ARHGAP6: variants seen among roughly 807,000 people sequenced by gnomAD.
ARHGAP6 encodes rho GTPase-activating protein 6.
Under a neutral mutation model 55.7 loss-of-function variants are expected in ARHGAP6, and 16 were observed. That is an observed-to-expected ratio of 0.29 (90% CI 0.19 to 0.44). The LOEUF is 0.44. Ranked by LOEUF, ARHGAP6 falls within the 20% of genes least tolerant of loss-of-function variation. ARHGAP6 has a pLI of 1.00. For synonymous variants in ARHGAP6, 382 were observed against 360.9 expected (o/e 1.06, Z -0.66); for missense variants, 698 against 808.9 (o/e 0.86, Z 1.66).
intron 1 of ARHGAP6, among the ~76,000 whole-genome samples, chrX:11,525,621 A>T (rs2050981596): frequency 8.9e-6 from 1 of 112,049 alleles, no homozygotes; most frequent in African/African-American, 3.2e-5. Context: ...GTTCTGCTTT[A>T]TCATTGCACA....
rs746856568 is a variant in ARHGAP6 at position 11,326,285 on chromosome X, C to T, written c.589-71578G>A. ...CTGGGATTACAGGCATGCACCACCA[C>T]GCCCAGCTAATTTTGTAGTTTTAGT... is the stretch of plus-strand genomic sequence containing the variant. On this transcript the variant is annotated intron_variant, in intron 1 of 12. Transcript: ENST00000337414. Among the ~76,000 whole-genome samples, 7 of 110,390 alleles carry T rather than the reference C, an allele frequency of 6.3e-5. No homozygotes were observed. The East Asian group carries it at 1.4e-3, about 22-fold the overall frequency.
chrX:11,498,439 AAGG>A (rs1276916521), intron 1 of ARHGAP6, among the ~76,000 whole-genome samples: 1 of 112,145 alleles, frequency 8.9e-6, no homozygotes, highest in Non-Finnish European at 1.9e-5. Flanking sequence ...ATGACTAAAG[AAGG>A]AGGAGTATCT....
chrX:11,644,573 A>G (rs2052508172), intron 1 of ARHGAP6, among the ~76,000 whole-genome samples: 1 of 111,019 alleles, frequency 9.0e-6, no homozygotes, highest in Non-Finnish European at 1.9e-5. Flanking sequence ...CAATAAGTAC[A>G]TGAAAATATG....
Position 11,177,979 on chromosome X carries a change from A to T in ARHGAP6, c.1629+121T>A, listed in dbSNP as rs1271475784. On this transcript the variant is annotated intron_variant, in intron 8 of 12. Transcript: ENST00000337414. ...TGCATTAGTCTCTTCCTACAGAGACAGCTAGGTTGGAGAAGGGGAGACATC... is the reference window on the plus strand; with the variant it reads ...TGCATTAGTCTCTTCCTACAGAGACTGCTAGGTTGGAGAAGGGGAGACATC... 3 of 899,760 alleles carry T rather than the reference A, an allele frequency of 3.3e-6. No individual in the cohort carries two copies. In the African/African-American group the frequency reaches 5.9e-5, roughly 18 times the overall value. 74.2% of individuals were successfully genotyped at this position (899,760 alleles called of 1,213,427 possible).
intron 10 of ARHGAP6, among the ~76,000 whole-genome samples, chrX:11,149,749 G>A (rs912654685): frequency 1.8e-5 from 2 of 112,265 alleles, no homozygotes; most frequent in African/African-American, 6.5e-5. Flanking sequence ...TAAGTTAAAT[G>A]TGATACCTTT....
chrX:11,212,025 T>G (rs2046809957), intron 2 of ARHGAP6, among the ~76,000 whole-genome samples: 1 of 111,500 alleles, frequency 9.0e-6, no homozygotes, highest in African/African-American at 3.3e-5. Context: ...TAGCAGAAAC[T>G]CCAGGTAGTT....
chrX:11,527,556 G>C (rs993596076), intron 1 of ARHGAP6, among the ~76,000 whole-genome samples: 2 of 112,128 alleles, frequency 1.8e-5, no homozygotes, highest in Non-Finnish European at 3.8e-5. Flanking sequence ...AGGTTGCAGT[G>C]AGCCAAGATT....
At position 11,664,378 on chromosome X, in the gene ARHGAP6, T is replaced by C; in HGVS notation, c.451A>G (p.Ser151Gly). 1 of 1,212,197 alleles carries C rather than the reference T, an allele frequency of 8.2e-7. No individual in the cohort carries two copies. Among genetic ancestry groups the C allele is most frequent in the Non-Finnish European group, 1.1e-6 (1 of 895,556 alleles). The change falls in exon 1 of 13, where the codon AGC (serine) becomes GGC (glycine). Residue 151 changes from serine to glycine, a missense_variant. Ser to Gly is a moderately conservative substitution (Grantham distance 56, BLOSUM62 0). This residue lies in a region of ARHGAP6 where 164 missense variants were observed against 149.2 expected (regional missense o/e 1.10). Transcript: ENST00000337414. ...SVLAGPASSR[S>G]ASSILCSSGG... is the part of the protein sequence containing the mutation. ...GATGAACAGAGGATGCTGGAAGCGC[T>C]TCGGCTACTGGCTGGCCCGGCCAGG... is the stretch of plus-strand genomic sequence containing the variant.
chrX:11,380,151 T>C (rs1054914211), intron 1 of ARHGAP6, among the ~76,000 whole-genome samples: 6 of 111,921 alleles, frequency 5.4e-5, no homozygotes, highest in Non-Finnish European at 7.5e-5. Flanking sequence ...AATTTAGAAT[T>C]CTGTGGCTCT....
At chrX:11,499,345 T>C (rs2050654253) in intron 1 of ARHGAP6, among the ~76,000 whole-genome samples, 1 of 112,301 alleles carries the variant, frequency 8.9e-6, no homozygotes, top group Non-Finnish European at 1.9e-5. Flanking sequence ...GTGAAGATAT[T>C]TGTGAAGTTT....
At chrX:11,383,836 A>C (rs1396989145) in intron 1 of ARHGAP6, among the ~76,000 whole-genome samples, 2 of 111,696 alleles carry the variant, frequency 1.8e-5, no homozygotes, top group Non-Finnish European at 3.8e-5. Flanking sequence ...AGAAATTATC[A>C]AACTATAAAA....
intron 8 of ARHGAP6, among the ~76,000 whole-genome samples, chrX:11,175,700 G>A (rs1000332956): frequency 2.7e-5 from 3 of 111,322 alleles, no homozygotes; most frequent in African/African-American, 9.8e-5. Flanking sequence ...GTCACAACTT[G>A]GTGGGAGAGG....
chrX:11,183,223 T>C (rs188231543), intron 5 of ARHGAP6, among the ~76,000 whole-genome samples: 25 of 111,412 alleles, frequency 2.2e-4, no homozygotes, highest in Non-Finnish European at 4.3e-4. Flanking sequence ...CCAAAATCTA[T>C]GGAGATATAA....
intron 1 of ARHGAP6, among the ~76,000 whole-genome samples, chrX:11,625,981 A>C (rs1453438307): frequency 8.9e-6 from 1 of 112,163 alleles, no homozygotes; most frequent in African/African-American, 3.2e-5. Context: ...ATACCATGAA[A>C]AAACAGAATA....
chrX:11,549,306 C>G (rs2051242355), intron 1 of ARHGAP6, among the ~76,000 whole-genome samples: 1 of 111,894 alleles, frequency 8.9e-6, no homozygotes, highest in Non-Finnish European at 1.9e-5. Flanking sequence ...ACTAAAAAGC[C>G]TCTTCACAGC....
chrX:11,173,416 C>A (rs1157370636), intron 8 of ARHGAP6, among the ~76,000 whole-genome samples: 1 of 111,930 alleles, frequency 8.9e-6, no homozygotes, highest in Non-Finnish European at 1.9e-5. Context: ...CGGACTCTCA[C>A]CAAACAAGTG....
intron 1 of ARHGAP6, among the ~76,000 whole-genome samples, chrX:11,653,129 T>C (rs1393105634): frequency 8.9e-6 from 1 of 112,086 alleles, no homozygotes; most frequent in Non-Finnish European, 1.9e-5. Context: ...CACACTGCCA[T>C]TTACCAGTTA....
rs139606927 is a variant in ARHGAP6, at chrX:11,559,020, C to T, written c.588+105221G>A. Among the ~76,000 whole-genome samples the T allele has an allele frequency of 7.8e-3, 822 of 105,288 alleles. 3 individuals carry two copies. Among genetic ancestry groups the T allele is most frequent in the South Asian group, 0.026 (58 of 2,271 alleles). The allele number at this position is 105,288 out of a possible 115,157, so 91.4% of individuals were successfully genotyped here. ...CTGCTTGTCCACTTGTCTGCCCTGT[C>T]CACAGCTATTTTTCAGCTATAGCGA... On this transcript the variant is annotated intron_variant, in intron 1 of 12. Coordinates refer to ENST00000337414, the MANE Select transcript of ARHGAP6 (RefSeq NM_013427.3).
At chrX:11,334,111 TA>T (rs369539196) in intron 1 of ARHGAP6, 1,222 of 96,819 alleles carry the variant, frequency 0.013, 3 homozygotes, top group African/African-American at 0.015. Context: ...GCACTGTGGT[TA>T]AAAAAAAAAA....
Sources: gnomAD v4.1 joint callset for allele counts (sites outside exome capture counted in the v4.1 genomes callset) on GRCh38, gnomAD v4.1.1 for gene constraint, gnomAD v4.1.1 regional missense constraint, MANE v1.5 for transcripts, NCBI Gene and HGNC (gene_info 2026-07-23, HGNC 2026-07-21) for gene names.